The following RUNX1 variants were observed in gnomAD, a reference collection of about 807,000 sequenced individuals.
RUNX1 encodes RUNX family transcription factor 1, also known as runt-related transcription factor 1.
A neutral mutation model predicts 42.8 loss-of-function variants in RUNX1; 19 were observed. That is an observed-to-expected ratio of 0.44 (90% confidence interval 0.31 to 0.65). The LOEUF is 0.65. RUNX1 is among the 30% of genes least tolerant of loss of function. The probability of loss-of-function intolerance (pLI) is 0.07; values close to 1 mark genes in which losing one functional copy is unlikely to be tolerated. For synonymous variants in RUNX1, 271 were observed against 289.4 expected, an observed-to-expected ratio of 0.94 and a Z score of 0.64; for missense variants, 528 against 672.0, an observed-to-expected ratio of 0.79 and a Z score of 2.37.
chr21:34,814,977 A>G (rs1429511874), intron 7 of RUNX1, among the ~76,000 whole-genome samples: 1 of 152,190 alleles, frequency 6.6e-6, no homozygotes, highest in East Asian at 1.9e-4. Context: ...CCCCGAAAAA[A>G]TGCAGCCAGG....
At chr21:34,855,844 G>A (rs1029768070) in intron 6 of RUNX1, among the ~76,000 whole-genome samples, 3 of 152,170 alleles carry the variant, frequency 2.0e-5, no homozygotes, top group South Asian at 2.1e-4. Context: ...CGTGCTAACC[G>A]AAAACAGAGC....
At chr21:35,000,236 C>CTTTTTTTTTTTT in intron 2 of RUNX1, among the ~76,000 whole-genome samples, 1 of 110,970 alleles carries the variant, frequency 9.0e-6, no homozygotes, top group Non-Finnish European at 1.9e-5. Context: ...TTCTTTCTTT[C>CTTTTTTTTTTTT]TTTTTTTTTT....
intron 2 of RUNX1, among the ~76,000 whole-genome samples, chr21:34,939,246 C>CA (rs2058508971): frequency 6.6e-6 from 1 of 152,194 alleles, no homozygotes; most frequent in Admixed American, 6.5e-5. Flanking sequence ...TTGCTAGGCT[C>CA]AACAGATACA....
At chr21:34,814,303 T>C (rs1159450961) in intron 7 of RUNX1, among the ~76,000 whole-genome samples, 1 of 152,130 alleles carries the variant, frequency 6.6e-6, no homozygotes, top group Non-Finnish European at 1.5e-5. Context: ...CCTTTTGCCT[T>C]CTGTGTTTTG....
Position 34,792,286 on chromosome 21 carries a change from G to A in RUNX1, c.1292C>T (p.Pro431Leu), listed in dbSNP as rs2056450734. The change falls in exon 9 of 9, where the codon CCC (proline) becomes CTC (leucine). Residue 431 changes from proline (P) to leucine (L), a missense_variant. Pro to Leu is a moderately conservative substitution (Grantham distance 98). Coordinates refer to ENST00000675419, the MANE Select transcript of RUNX1 (RefSeq NM_001754.5). The surrounding 1 kb of genome is among the most constrained non-coding windows in gnomAD (Gnocchi z 6.9). ...GERSPPRILP[P>L]CTNASTGSAL... Reference sequence around the variant, plus strand: ...GGAGCCGGTGGAGGCGTTGGTGCAGGGCGGCAGGATGCGCGGCGGCGAGCG... The same window carrying A: ...GGAGCCGGTGGAGGCGTTGGTGCAGAGCGGCAGGATGCGCGGCGGCGAGCG... 4 of 1,542,354 alleles carry A rather than the reference G, an allele frequency of 2.6e-6. No homozygotes were observed. Among genetic ancestry groups the A allele is most frequent in the Non-Finnish European group, 3.5e-6 (4 of 1,146,538 alleles).
intron 2 of RUNX1, among the ~76,000 whole-genome samples, chr21:35,006,190 T>C (rs1288732865): frequency 4.6e-5 from 7 of 152,172 alleles, no homozygotes; most frequent in Admixed American, 1.3e-4. Context: ...GTTGTATGCA[T>C]TGTCTTTGAG....
intron 2 of RUNX1, among the ~76,000 whole-genome samples, chr21:35,035,008 T>C (rs1186327079): frequency 6.6e-6 from 1 of 152,184 alleles, no homozygotes; most frequent in African/African-American, 2.4e-5. Flanking sequence ...AAGGATGCAT[T>C]AGTGACCACG....
chr21:34,944,492 C>A (rs750471271), intron 2 of RUNX1, among the ~76,000 whole-genome samples: 1 of 152,160 alleles, frequency 6.6e-6, no homozygotes, highest in South Asian at 2.1e-4. Flanking sequence ...TGTGTGGGTA[C>A]GAATGCCAGC....
intron 8 of RUNX1, 37 bp downstream of exon 8, chr21:34,799,264 A>G: frequency 2.5e-6 from 4 of 1,612,606 alleles, no homozygotes; most frequent in Non-Finnish European, 3.4e-6. Context: ...CTTCCACCCC[A>G]GCTCAGCTGC....
Position 34,788,900 on chromosome 21 carries a change from C to T in RUNX1, c.*3235G>A, listed in dbSNP as rs1601326827. ...CCAACAAAAATAAAAATCATCAGGA[C>T]GGAATGTCCCAAAGAAACAGGTATT... is the stretch of plus-strand genomic sequence containing the variant. On this transcript the variant is annotated 3_prime_UTR_variant, in exon 9 of 9. Transcript: ENST00000675419. 6 of 233,144 alleles carry T rather than the reference C, an allele frequency of 2.6e-5. No individual in the cohort carries two copies. The highest frequency in any genetic ancestry group is 5.1e-5 in the Non-Finnish European group (6 of 118,050). The allele number at this position is 233,144 out of a possible 1,614,324, so 14.4% of individuals were successfully genotyped here. A position where few individuals can be genotyped will look rare whatever the true frequency, so the allele number is the denominator to read the frequency against.
intron 2 of RUNX1, among the ~76,000 whole-genome samples, chr21:35,009,475 T>G (rs537929111): frequency 2.0e-5 from 3 of 152,288 alleles, no homozygotes; most frequent in African/African-American, 7.2e-5. Flanking sequence ...ATAATTACAC[T>G]CCGGTCAATG....
intron 2 of RUNX1, among the ~76,000 whole-genome samples, chr21:34,922,992 G>A (rs1466606906): frequency 6.6e-6 from 1 of 152,140 alleles, no homozygotes; most frequent in Admixed American, 6.5e-5. Context: ...TTTATAGAGG[G>A]AGAAAATAGA....
At chr21:35,035,169 G>A (rs1241506300) in intron 2 of RUNX1, among the ~76,000 whole-genome samples, 1 of 152,230 alleles carries the variant, frequency 6.6e-6, no homozygotes, top group East Asian at 1.9e-4. Flanking sequence ...TAGCGACCAT[G>A]TATCGGGCAG....
intron 8 of RUNX1, among the ~76,000 whole-genome samples, chr21:34,794,342 T>C (rs1156362801): frequency 6.6e-6 from 1 of 152,178 alleles, no homozygotes; most frequent in African/African-American, 2.4e-5. Context: ...GCTGAGCGAA[T>C]GTCAGGGAAT....
chr21:34,893,018 TC>T, intron 2 of RUNX1, 55 bp from the exon 3 acceptor site: 1 of 1,218,412 alleles, frequency 8.2e-7, no homozygotes, highest in East Asian at 2.3e-5. Flanking sequence ...AAATTAACTT[TC>T]CCCCGACTTT....
chr21:35,009,786 T>C (rs1005175479), intron 2 of RUNX1, among the ~76,000 whole-genome samples: 10 of 152,192 alleles, frequency 6.6e-5, no homozygotes, highest in African/African-American at 2.4e-4. Context: ...AACTAAATAC[T>C]TAAAGGGTGA....
At chr21:34,917,168 A>C (rs923843083) in intron 2 of RUNX1, among the ~76,000 whole-genome samples, 40 of 152,336 alleles carry the variant, frequency 2.6e-4, no homozygotes, top group African/African-American at 9.4e-4. Flanking sequence ...ACCATGCTTC[A>C]GGTAGAGCCT....
chr21:34,889,867 GC>G (rs2058058592), intron 3 of RUNX1: 3 of 1,080,032 alleles, frequency 2.8e-6, no homozygotes, highest in South Asian at 7.5e-5. Context: ...TCCCTGCCGG[GC>G]CCTGCACCTC....
chr21:34,921,793 G>C (rs930014034), intron 2 of RUNX1, among the ~76,000 whole-genome samples: 1 of 152,022 alleles, frequency 6.6e-6, no homozygotes, highest in Non-Finnish European at 1.5e-5. Flanking sequence ...CACCATACCT[G>C]GCGAATTTTT....
Sources: allele counts gnomAD v4.1 joint callset (sites outside exome capture counted in the v4.1 genomes callset), GRCh38; gene constraint gnomAD v4.1.1; non-coding constraint Gnocchi (gnomAD v3.1); transcripts MANE v1.5; gene names NCBI Gene and HGNC (gene_info 2026-07-23, HGNC 2026-07-21).